Variants in EIPR1 observed in about 807,000 individuals in gnomAD.
The protein encoded by EIPR1 is EARP complex and GARP complex interacting protein 1, also known as EARP and GARP complex-interacting protein 1.
Under a neutral mutation model 48.1 loss-of-function variants are expected in EIPR1, and 25 were observed. The observed-to-expected ratio is 0.52, with a 90% CI of 0.38 to 0.73. EIPR1 has a LOEUF of 0.73. Among genes scored for constraint, EIPR1 ranks in the 30% least tolerant of loss-of-function variants. The pLI, the probability that EIPR1 is intolerant of heterozygous loss-of-function variation, is 0.00. For missense variants in EIPR1, 415 were observed against 506.2 expected (o/e 0.82, Z 1.73); for synonymous variants, 204 against 201.9 (o/e 1.01, Z -0.09).
At chr2:3,273,680 TA>T (rs11287108) in intron 3 of EIPR1, among the ~76,000 whole-genome samples, 104,011 of 152,034 alleles carry the variant, frequency 0.68, 35,951 homozygotes, top group East Asian at 0.81. Context: ...GAATCTAACT[TA>T]AAGAAGTCCT....
At chr2:3,230,479 CAT>C (rs1423872712) in intron 4 of EIPR1, among the ~76,000 whole-genome samples, 16 of 152,324 alleles carry the variant, frequency 1.1e-4, no homozygotes, top group African/African-American at 3.8e-4. Flanking sequence ...TAATCCACCA[CAT>C]GAGGTTAGGT....
At chr2:3,346,606 C>T (rs1309607356) in intron 2 of EIPR1, among the ~76,000 whole-genome samples, 1 of 152,148 alleles carries the variant, frequency 6.6e-6, no homozygotes, top group South Asian at 2.1e-4. Context: ...AAAATAAATA[C>T]ACAATAGAAG....
At chr2:3,245,460 G>A (rs554666579) in intron 4 of EIPR1, among the ~76,000 whole-genome samples, 99 of 152,294 alleles carry the variant, frequency 6.5e-4, no homozygotes, top group African/African-American at 2.2e-3. Context: ...TGATCCACCC[G>A]CCTTGGCCTC....
At chr2:3,257,229 T>TCTGCACAAGCTCCTGCACCTGGCCAAC in intron 4 of EIPR1, 70 bp downstream of exon 4, 1 of 1,506,890 alleles carries the variant, frequency 6.6e-7, no homozygotes, top group South Asian at 1.3e-5. Flanking sequence ...TGCAAAGGAA[T>TCTGCACAAGCTCCTGCACCTGGCCAAC]CTGCACAAGC....
At chr2:3,306,810 C>G (rs1377284273) in intron 3 of EIPR1, among the ~76,000 whole-genome samples, 11 of 152,044 alleles carry the variant, frequency 7.2e-5, no homozygotes, top group Non-Finnish European at 1.3e-4. Flanking sequence ...AGAAGAAAAT[C>G]CATGCGTAAG....
chr2:3,299,430 A>C lies in EIPR1; in HGVS notation c.259+38587T>G, dbSNP rs1168548922. Among the ~76,000 whole-genome samples, 3 of 152,016 alleles carry C rather than the reference A, an allele frequency of 2.0e-5. No homozygotes were observed. In the East Asian group the frequency reaches 5.8e-4, roughly 29 times the overall value. ...ATTCTGAGAGCTGGATGCCACATGGATGTGATCTGACTGGGCGCGGCCTTG... is the reference window on the plus strand; with the variant it reads ...ATTCTGAGAGCTGGATGCCACATGGCTGTGATCTGACTGGGCGCGGCCTTG... On this transcript the variant is annotated intron_variant, in intron 3 of 8. Coordinates refer to ENST00000382125, the MANE Select transcript of EIPR1 (RefSeq NM_003310.5).
chr2:3,294,683 T>TACACACACAC (rs1668482364), intron 3 of EIPR1, among the ~76,000 whole-genome samples: 1 of 76,878 alleles, frequency 1.3e-5, no homozygotes, highest in Non-Finnish European at 2.6e-5. Flanking sequence ...CCGTCCTCTC[T>TACACACACAC]ACACACACCC....
At chr2:3,277,518 G>A (rs1667888831) in intron 3 of EIPR1, among the ~76,000 whole-genome samples, 1 of 152,228 alleles carries the variant, frequency 6.6e-6, no homozygotes, top group Admixed American at 6.5e-5. Flanking sequence ...CTGCCTGTGT[G>A]GCCTTCACCT....
chr2:3,196,226 T>C (rs1664802318), intron 6 of EIPR1, among the ~76,000 whole-genome samples: 1 of 152,148 alleles, frequency 6.6e-6, no homozygotes, highest in Non-Finnish European at 1.5e-5. Context: ...TCAACACGAG[T>C]TATTGCATGA....
chr2:3,357,968 G>A (rs4854125), intron 1 of EIPR1, among the ~76,000 whole-genome samples: 24,718 of 152,068 alleles, frequency 0.16, 2,242 homozygotes, highest in Non-Finnish European at 0.21. Context: ...TTACAGAACC[G>A]TAAAATAATA....
intron 1 of EIPR1, among the ~76,000 whole-genome samples, chr2:3,368,972 A>G (rs188134624): frequency 1.3e-5 from 2 of 152,302 alleles, no homozygotes; most frequent in African/African-American, 4.8e-5. Context: ...GTCAACGATC[A>G]GATCTCTATC....
chr2:3,370,361 A>C lies in EIPR1; in HGVS notation c.42+7287T>G, dbSNP rs570245786. Among the ~76,000 whole-genome samples, 9 of 152,376 alleles carry C rather than the reference A, an allele frequency of 5.9e-5. No individual in the cohort carries two copies. In the South Asian group the frequency reaches 1.9e-3, roughly 32 times the overall value. Reference sequence around the variant, plus strand: ...CTCCTCCAAAGGAACGCAGTCCCTCACCAGCAACGGAACAAAGCTGGACGG... The same window carrying C: ...CTCCTCCAAAGGAACGCAGTCCCTCCCCAGCAACGGAACAAAGCTGGACGG... On this transcript the variant is annotated intron_variant, in intron 1 of 8. Coordinates refer to ENST00000382125, the MANE Select transcript of EIPR1 (RefSeq NM_003310.5).
intron 4 of EIPR1, among the ~76,000 whole-genome samples, chr2:3,254,880 C>T (rs1667106074): frequency 6.6e-6 from 1 of 152,162 alleles, no homozygotes; most frequent in Admixed American, 6.5e-5. Context: ...TGTGTAAGTT[C>T]AGTGGGCTGT....
At chr2:3,302,887 G>A (rs1176186151) in intron 3 of EIPR1, among the ~76,000 whole-genome samples, 4 of 152,178 alleles carry the variant, frequency 2.6e-5, no homozygotes, top group Non-Finnish European at 5.9e-5. Flanking sequence ...CAGAACAGAG[G>A]AAAAGGGCAG....
rs1408283310 is a variant in EIPR1 at position 3,312,241 on chromosome 2, ACTGAGGCCG to A, written c.259+25767_259+25775del. Reference sequence around the variant, plus strand: ...CCATCTGTCTGCTCTGCCTATGGCCACTGAGGCCGCATTCCGGGTGTGCTCTGACGTTTT... The same window carrying A: ...CCATCTGTCTGCTCTGCCTATGGCCACATTCCGGGTGTGCTCTGACGTTTT... On this transcript the variant is annotated intron_variant, in intron 3 of 8. Transcript: ENST00000382125. The surrounding 1 kb of genome is among the most constrained non-coding windows in gnomAD (Gnocchi z 5.5). 2.0e-5 allele frequency among the ~76,000 whole-genome samples: 3 copies of A among 152,266 alleles called. No individual in the cohort carries two copies. Among genetic ancestry groups the A allele is most frequent in the Admixed American group, 2.0e-4 (3 of 15,302 alleles).
chr2:3,193,288 T>C (rs1664674855), intron 7 of EIPR1, among the ~76,000 whole-genome samples: 1 of 152,236 alleles, frequency 6.6e-6, no homozygotes, highest in Non-Finnish European at 1.5e-5. Flanking sequence ...TTCAGATAAG[T>C]AATTCAAACA....
At chr2:3,204,385 A>G (rs899383367) in intron 5 of EIPR1, among the ~76,000 whole-genome samples, 4 of 152,230 alleles carry the variant, frequency 2.6e-5, no homozygotes, top group Non-Finnish European at 4.4e-5. Context: ...ATATTTCACC[A>G]TCAATTTCTG....
At chr2:3,304,125 G>A (rs1368664059) in intron 3 of EIPR1, among the ~76,000 whole-genome samples, 1 of 152,206 alleles carries the variant, frequency 6.6e-6, no homozygotes, top group East Asian at 1.9e-4. Flanking sequence ...AAACGCCCAG[G>A]CACGCGGACA....
At chr2:3,310,304 T>C (rs945227859) in intron 3 of EIPR1, among the ~76,000 whole-genome samples, 7 of 152,192 alleles carry the variant, frequency 4.6e-5, no homozygotes, top group African/African-American at 1.7e-4. Context: ...TCTTCCTTTT[T>C]AATATTTTTC....
Sources: allele counts gnomAD v4.1 joint callset (sites outside exome capture counted in the v4.1 genomes callset), GRCh38; gene constraint gnomAD v4.1.1; non-coding constraint Gnocchi (gnomAD v3.1); transcripts MANE v1.5; gene names NCBI Gene and HGNC (gene_info 2026-07-23, HGNC 2026-07-21).